Variants in MVB12B observed in about 807,000 individuals in gnomAD.
MVB12B encodes the protein multivesicular body subunit 12B.
In MVB12B, 16 loss-of-function variants were observed where a neutral mutation model predicts 41.6. The ratio of observed to expected loss-of-function variants is 0.38; its 90% confidence interval spans 0.26 to 0.58. The LOEUF (loss-of-function observed/expected upper bound fraction) is 0.58, where lower values mean the gene tolerates loss of function less well. Among genes scored for constraint, MVB12B ranks in the 20% least tolerant of loss-of-function variants. The pLI, the probability that MVB12B is intolerant of heterozygous loss-of-function variation, is 0.62. For missense variants in MVB12B, 274 were observed against 380.2 expected (o/e 0.72, Z 2.32); for synonymous variants, 133 against 139.7 (o/e 0.95, Z 0.34).
At chr9:126,406,667 G>C (rs1207856310) in intron 6 of MVB12B, among the ~76,000 whole-genome samples, 1 of 152,242 alleles carries the variant, frequency 6.6e-6, no homozygotes, top group East Asian at 1.9e-4. Context: ...GAATGGAAGT[G>C]TGGTGCCCCT....
intron 7 of MVB12B, among the ~76,000 whole-genome samples, chr9:126,431,001 T>A (rs1832314503): frequency 6.6e-6 from 1 of 152,230 alleles, no homozygotes; most frequent in Non-Finnish European, 1.5e-5. Flanking sequence ...GTCACTTCTC[T>A]CCTTATTCAG....
rs1211988497 is a variant in MVB12B at position 126,505,497 on chromosome 9, A to C, written c.*2234A>C. On this transcript the variant is annotated 3_prime_UTR_variant, in exon 10 of 10. Coordinates refer to ENST00000361171, the MANE Select transcript of MVB12B (RefSeq NM_033446.3). ...TTCTCCATAGCATTACGGACTTAGCATAAGAGTAAATGACTGTGAACGTTG... is the reference window on the plus strand; with the variant it reads ...TTCTCCATAGCATTACGGACTTAGCCTAAGAGTAAATGACTGTGAACGTTG... 2.0e-5 allele frequency: 3 copies of C among 152,388 alleles called. No homozygotes were observed. Among genetic ancestry groups the C allele is most frequent in the African/African-American group, 4.8e-5 (2 of 41,582 alleles). 9.4% of individuals were successfully genotyped at this position (152,388 alleles called of 1,614,324 possible).
intron 1 of MVB12B, among the ~76,000 whole-genome samples, chr9:126,338,607 T>A (rs941419588): frequency 4.6e-5 from 7 of 152,148 alleles, no homozygotes; most frequent in African/African-American, 1.7e-4. Context: ...TCACATGTTC[T>A]TTATTAAATT....
intron 7 of MVB12B, among the ~76,000 whole-genome samples, chr9:126,440,579 C>T (rs1233472437): frequency 7.9e-5 from 12 of 152,156 alleles, no homozygotes; most frequent in African/African-American, 2.9e-4. Flanking sequence ...CAGGAATCTC[C>T]GTGAGCCCCT....
At chr9:126,472,163 G>A (rs532169094) in intron 7 of MVB12B, among the ~76,000 whole-genome samples, 3 of 151,998 alleles carry the variant, frequency 2.0e-5, no homozygotes, top group Non-Finnish European at 4.4e-5. Flanking sequence ...TCCTAAGTCC[G>A]GAGCCTTGGG....
intron 1 of MVB12B, among the ~76,000 whole-genome samples, chr9:126,329,492 C>T (rs1829068679): frequency 6.6e-6 from 1 of 152,176 alleles, no homozygotes; most frequent in Non-Finnish European, 1.5e-5. Flanking sequence ...TGTTACAGAA[C>T]CACGCCACCA....
At chr9:126,358,667 T>C (rs931323082) in intron 2 of MVB12B, among the ~76,000 whole-genome samples, 1 of 152,282 alleles carries the variant, frequency 6.6e-6, no homozygotes, top group Non-Finnish European at 1.5e-5. Flanking sequence ...TTAAACTCAC[T>C]TATTAGTTCT....
At chr9:126,470,335 A>G (rs1231668618) in intron 7 of MVB12B, among the ~76,000 whole-genome samples, 1 of 152,178 alleles carries the variant, frequency 6.6e-6, no homozygotes. Flanking sequence ...CTTGGAAGCA[A>G]GATCCAAGCT....
Position 126,340,541 on chromosome 9 carries a change from T to C in MVB12B, c.115T>C (p.Ser39Pro). ...CACCATGCCTGAAGTCAAAGACCTC[T>C]CAGAAGCCTTGCCAGAAACGTCAAT... ...QSTMPEVKDL[S>P]EALPETSMDP... Residue 39 changes from serine to proline, a missense_variant, in exon 2 of 10, where the codon TCA (serine) becomes CCA (proline). Physicochemically the swap from Ser to Pro is moderately conservative, Grantham distance 74. Transcript: ENST00000361171. This position sits in a 1 kb window ranked among gnomAD's most constrained non-coding sequence, Gnocchi z 4.0. 1 of 1,614,192 alleles carries C rather than the reference T, an allele frequency of 6.2e-7. No homozygotes were observed. Among genetic ancestry groups the C allele is most frequent in the Non-Finnish European group, 8.5e-7 (1 of 1,180,010 alleles).
In MVB12B at chr9:126,466,446, G is replaced by C. The variant is rs573606189; in HGVS notation, c.758-14923G>C. 2.6e-5 allele frequency among the ~76,000 whole-genome samples: 4 copies of C among 152,324 alleles called. No individual in the cohort carries two copies. The South Asian group carries it at 6.2e-4, about 24-fold the overall frequency. On this transcript the variant is annotated intron_variant, in intron 7 of 9. Coordinates refer to ENST00000361171, the MANE Select transcript of MVB12B (RefSeq NM_033446.3). ...ACATGGCCAAGCCCAGATTCAAGGGGTGAAGAAATAGATTACACCTCTTGA... is the reference window on the plus strand; with the variant it reads ...ACATGGCCAAGCCCAGATTCAAGGGCTGAAGAAATAGATTACACCTCTTGA...
intron 6 of MVB12B, among the ~76,000 whole-genome samples, chr9:126,416,765 G>T (rs973936091): frequency 6.6e-6 from 1 of 152,134 alleles, no homozygotes; most frequent in African/African-American, 2.4e-5. Flanking sequence ...TACCTAAAAA[G>T]GTTGTTGAGG....
chr9:126,503,369 A>C lies in MVB12B; in HGVS notation c.*106A>C. The C allele has an allele frequency of 2.3e-5, 21 of 903,836 alleles. No homozygotes were observed. Among genetic ancestry groups the C allele is most frequent in the Non-Finnish European group, 3.4e-5 (20 of 591,752 alleles). The allele number at this position is 903,836 out of a possible 1,614,324, so 56.0% of individuals were successfully genotyped here. ...CGCCTCCGCCAGCCCTCCCTCCCACACTGCCCCAGCAGGGCTGGCCCGGAG... is the reference window on the plus strand; with the variant it reads ...CGCCTCCGCCAGCCCTCCCTCCCACCCTGCCCCAGCAGGGCTGGCCCGGAG... On this transcript the variant is annotated 3_prime_UTR_variant, in exon 10 of 10. Coordinates refer to ENST00000361171, the MANE Select transcript of MVB12B (RefSeq NM_033446.3).
Position 126,506,482 on chromosome 9 carries a change from C to T in MVB12B, c.*3219C>T, listed in dbSNP as rs1834074658. Reference sequence around the variant, plus strand: ...GGCCGCCACTGGGCCCTGCCGGTCACCAGGCCACTGTGCAGTGGGCGCAGA... The same window carrying T: ...GGCCGCCACTGGGCCCTGCCGGTCATCAGGCCACTGTGCAGTGGGCGCAGA... On this transcript the variant is annotated 3_prime_UTR_variant, in exon 10 of 10. Coordinates refer to ENST00000361171, the MANE Select transcript of MVB12B (RefSeq NM_033446.3). 1 of 152,356 alleles carries T rather than the reference C, an allele frequency of 6.6e-6. No individual in the cohort carries two copies. The highest frequency in any genetic ancestry group is 6.5e-5 in the Admixed American group (1 of 15,272). 9.4% of individuals were successfully genotyped at this position (152,356 alleles called of 1,614,324 possible).
At chr9:126,400,548 C>T (rs552639531) in intron 6 of MVB12B, among the ~76,000 whole-genome samples, 1 of 152,290 alleles carries the variant, frequency 6.6e-6, no homozygotes, top group South Asian at 2.1e-4. Flanking sequence ...AATTCAGGTT[C>T]GGCAGAACTA....
At chr9:126,341,984 G>C (rs1323009539) in intron 2 of MVB12B, among the ~76,000 whole-genome samples, 2 of 152,220 alleles carry the variant, frequency 1.3e-5, no homozygotes. Context: ...AAGTGAAAAA[G>C]TGAAGGAAAC....
chr9:126,417,997 C>G, intron 6 of MVB12B, among the ~76,000 whole-genome samples: 1 of 152,128 alleles, frequency 6.6e-6, no homozygotes, highest in East Asian at 1.9e-4. Flanking sequence ...ATTAACAAGA[C>G]TTCCACTCTT....
chr9:126,488,464 G>C (rs377531942), intron 9 of MVB12B, among the ~76,000 whole-genome samples: 8 of 152,118 alleles, frequency 5.3e-5, no homozygotes, highest in African/African-American at 1.7e-4. Flanking sequence ...GCTCGCCCAC[G>C]ATTCCCAGAC....
chr9:126,444,065 C>A (rs1832708285), intron 7 of MVB12B, among the ~76,000 whole-genome samples: 1 of 152,186 alleles, frequency 6.6e-6, no homozygotes, highest in African/African-American at 2.4e-5. Context: ...GAGACCTGTT[C>A]ATGTACCTCG....
At chr9:126,429,318 G>T (rs768651067) in intron 7 of MVB12B, among the ~76,000 whole-genome samples, 2 of 152,210 alleles carry the variant, frequency 1.3e-5, no homozygotes, top group Non-Finnish European at 2.9e-5. Context: ...GGAATTGATC[G>T]CATGGTGTAT....
Sources: allele counts gnomAD v4.1 joint callset (sites outside exome capture counted in the v4.1 genomes callset), GRCh38; gene constraint gnomAD v4.1.1; non-coding constraint Gnocchi (gnomAD v3.1); transcripts MANE v1.5; gene names NCBI Gene and HGNC (gene_info 2026-07-23, HGNC 2026-07-21).